Variants in ZDHHC13 observed in about 807,000 individuals in gnomAD.
ZDHHC13 encodes the protein palmitoyltransferase ZDHHC13.
Under a neutral mutation model 86.0 loss-of-function variants are expected in ZDHHC13, and 85 were observed. That is an observed-to-expected ratio of 0.99 (90% CI 0.83 to 1.18). The LOEUF (loss-of-function observed/expected upper bound fraction) is 1.18, where lower values mean the gene tolerates loss of function less well. Among genes scored for constraint, ZDHHC13 ranks in the 50% most tolerant of loss-of-function variants. The pLI, the probability that ZDHHC13 is intolerant of heterozygous loss-of-function variation, is 0.00. For missense variants in ZDHHC13, 711 were observed against 730.2 expected (o/e 0.97, Z 0.30); for synonymous variants, 263 against 246.4 (o/e 1.07, Z -0.63).
chr11:19,121,860 G>A (rs1421204104), intron 1 of ZDHHC13, among the ~76,000 whole-genome samples: 2 of 152,138 alleles, frequency 1.3e-5, no homozygotes, highest in African/African-American at 2.4e-5. Flanking sequence ...GCCAAAAATA[G>A]AGTAGATGAT....
intron 8 of ZDHHC13, among the ~76,000 whole-genome samples, chr11:19,154,673 TATTTCAGTCTTTG>T (rs1254913483): frequency 6.6e-6 from 1 of 152,172 alleles, no homozygotes; most frequent in East Asian, 1.9e-4. Flanking sequence ...CATGAGGACA[TATTTCAGTCTTTG>T]ATCTCCATGT....
At chr11:19,165,251 T>C (rs944816923) in intron 13 of ZDHHC13, 106 bp downstream of exon 13, 1 of 1,026,354 alleles carries the variant, frequency 9.7e-7, no homozygotes, top group Admixed American at 2.2e-5. Flanking sequence ...TTCAATATTC[T>C]AGTATTCCAA....
intron 13 of ZDHHC13, 40 bp downstream of exon 13, chr11:19,165,185 G>T: frequency 1.9e-6 from 3 of 1,571,626 alleles, no homozygotes; most frequent in Non-Finnish European, 2.6e-6. Flanking sequence ...GTGAAGTTAA[G>T]CATATGTTTA....
chr11:19,125,197 G>A (rs186548007), intron 1 of ZDHHC13, among the ~76,000 whole-genome samples: 3 of 152,304 alleles, frequency 2.0e-5, no homozygotes, highest in African/African-American at 4.8e-5. Flanking sequence ...TACAGACCAG[G>A]AGAAAATATC....
At chr11:19,117,116 A>T, upstream of ZDHHC13, 4 of 952,538 alleles carry the variant, frequency 4.2e-6, no homozygotes, top group East Asian at 8.2e-5. The surrounding 1 kb of genome is among the most constrained non-coding windows in gnomAD (Gnocchi z 4.2). Context: ...GGCTCAGGGC[A>T]CGAGCGGGGA....
At chr11:19,169,199 C>T in intron 14 of ZDHHC13, 1 of 985,410 alleles carries the variant, frequency 1.0e-6, no homozygotes, top group Non-Finnish European at 1.2e-6. Flanking sequence ...GATATTCTTT[C>T]CCAATCAACA....
At chr11:19,161,907 G>A (rs941053875) in intron 10 of ZDHHC13, among the ~76,000 whole-genome samples, 1 of 152,104 alleles carries the variant, frequency 6.6e-6, no homozygotes, top group Admixed American at 6.6e-5. Flanking sequence ...AGTATTACAA[G>A]GATTTGAGTG....
rs1849462585 is a variant in ZDHHC13, at chr11:19,146,291, T to G, written c.284T>G (p.Leu95Arg). 1 of 1,612,110 alleles carries G rather than the reference T, an allele frequency of 6.2e-7. No homozygotes were observed. Among genetic ancestry groups the G allele is most frequent in the Non-Finnish European group, 8.5e-7 (1 of 1,179,338 alleles). ...CATTGGGCTGCTATTAACAACAGACTGGATCTTGTAAAGTAAGATGGGATA... is the reference window on the plus strand; with the variant it reads ...CATTGGGCTGCTATTAACAACAGACGGGATCTTGTAAAGTAAGATGGGATA... ...LLHWAAINNRLDLVKFYISKG... is the reference protein window; with the variant it reads ...LLHWAAINNRRDLVKFYISKG... The change falls in exon 3 of 17, where the codon CTG (leucine) becomes CGG (arginine). Residue 95 changes from leucine (L) to arginine (R), a missense_variant. Physicochemically the swap from Leu to Arg is moderately radical, Grantham distance 102. Coordinates refer to ENST00000446113, the MANE Select transcript of ZDHHC13 (RefSeq NM_019028.3).
intron 1 of ZDHHC13, among the ~76,000 whole-genome samples, chr11:19,134,141 T>G (rs1044743223): frequency 1.3e-5 from 2 of 152,114 alleles, no homozygotes; most frequent in South Asian, 4.2e-4. Context: ...TAATTTCTGA[T>G]ACATTTATTT....
chr11:19,127,243 A>T (rs140424556), intron 1 of ZDHHC13, among the ~76,000 whole-genome samples: 2 of 152,120 alleles, frequency 1.3e-5, no homozygotes, highest in South Asian at 2.1e-4. Context: ...TGCTGGCTGC[A>T]TTTATGTCTT....
At chr11:19,159,226 A>C in intron 10 of ZDHHC13, among the ~76,000 whole-genome samples, 186 bp downstream of exon 10, 1 of 152,174 alleles carries the variant, frequency 6.6e-6, no homozygotes, top group East Asian at 1.9e-4. Context: ...GTCTCAGAGT[A>C]CATTATGGAA....
intron 1 of ZDHHC13, among the ~76,000 whole-genome samples, chr11:19,137,329 C>T (rs1320950004): frequency 6.6e-6 from 1 of 152,088 alleles, no homozygotes; most frequent in Non-Finnish European, 1.5e-5. Context: ...AAGGCCATTA[C>T]ATAATGGTAA....
rs75152349 is a variant in ZDHHC13 at position 19,162,030 on chromosome 11, A to G, written c.1109-1273A>G. Among the ~76,000 whole-genome samples, 1,254 of 152,294 alleles carry G rather than the reference A, an allele frequency of 8.2e-3. 13 individuals carry two copies. Among genetic ancestry groups the G allele is most frequent in the African/African-American group, 0.027 (1,141 of 41,552 alleles). ...CAAATGGGAGCATGAACAGAGGAAC[A>G]TGACCAGGAAAATGTTATATAAGGA... On this transcript the variant is annotated intron_variant, in intron 10 of 16. Transcript: ENST00000446113.
At chr11:19,174,080 G>T (rs184285073) in intron 16 of ZDHHC13, among the ~76,000 whole-genome samples, 3 of 152,280 alleles carry the variant, frequency 2.0e-5, no homozygotes, top group Admixed American at 2.0e-4. Context: ...CCCAATGGAT[G>T]CCTGAAACTG....
At chr11:19,175,388 T>C (rs1298294982) in intron 16 of ZDHHC13, among the ~76,000 whole-genome samples, 1 of 2,024 alleles carries the variant, frequency 4.9e-4, no homozygotes, top group African/African-American at 9.8e-4. Context: ...AGACTCCGTC[T>C]CAAAAAAAAA....
intron 12 of ZDHHC13, 39 bp downstream of exon 12, chr11:19,164,402 A>G (rs1393784391): frequency 1.3e-6 from 2 of 1,586,756 alleles, no homozygotes; most frequent in African/African-American, 1.3e-5. Flanking sequence ...TAGTGAAAGC[A>G]AAGTCTTGGT....
chr11:19,128,652 T>C (rs1407733827), intron 1 of ZDHHC13, among the ~76,000 whole-genome samples: 1 of 152,252 alleles, frequency 6.6e-6, no homozygotes, highest in African/African-American at 2.4e-5. Flanking sequence ...GCACATTATT[T>C]CAAATGTCTT....
intron 1 of ZDHHC13, among the ~76,000 whole-genome samples, chr11:19,121,416 T>C (rs2133355147): frequency 6.6e-6 from 1 of 152,338 alleles, no homozygotes; most frequent in East Asian, 1.9e-4. Flanking sequence ...ACCTTGTCTG[T>C]TGTTCATTGC....
chr11:19,117,568 C>T lies in ZDHHC13; in HGVS notation c.27+292C>T. ...GGTACCCGGAGCCCGGCGGGGACCT[C>T]TGTGGGCCTGGGGAGGGGACGATGG... On this transcript the variant is annotated intron_variant, in intron 1 of 16. Coordinates refer to ENST00000446113, the MANE Select transcript of ZDHHC13 (RefSeq NM_019028.3). This position sits in a 1 kb window ranked among gnomAD's most constrained non-coding sequence, Gnocchi z 4.2. 1 of 374,876 alleles carries T rather than the reference C, an allele frequency of 2.7e-6. No individual in the cohort carries two copies. The highest frequency in any genetic ancestry group is 4.8e-6 in the Non-Finnish European group (1 of 209,658). The allele number at this position is 374,876 out of a possible 1,614,324, so 23.2% of individuals were successfully genotyped here.
Sources: allele counts gnomAD v4.1 joint callset (sites outside exome capture counted in the v4.1 genomes callset), GRCh38; gene constraint gnomAD v4.1.1; non-coding constraint Gnocchi (gnomAD v3.1); transcripts MANE v1.5; gene names NCBI Gene and HGNC (gene_info 2026-07-23, HGNC 2026-07-21).